MAPK10: variants seen among roughly 807,000 people sequenced by gnomAD.
MAPK10 encodes JNK3 alpha protein kinase.
A neutral mutation model predicts 59.3 loss-of-function variants in MAPK10; 25 were observed. The ratio of observed to expected loss-of-function variants is 0.42; its 90% CI spans 0.31 to 0.59. The LOEUF (loss-of-function observed/expected upper bound fraction) is 0.59. Ranked by LOEUF, MAPK10 falls within the 20% of genes least tolerant of loss-of-function variation. The pLI, the probability that MAPK10 is intolerant of heterozygous loss-of-function variation, is 0.15. For synonymous variants in MAPK10, 190 were observed against 200.5 expected (o/e 0.95, Z 0.44); for missense variants, 351 against 568.9 (o/e 0.62, Z 3.90).
At chr4:86,462,569 C>A (rs1211564870) in intron 1 of MAPK10, among the ~76,000 whole-genome samples, 1 of 152,144 alleles carries the variant, frequency 6.6e-6, no homozygotes, top group East Asian at 1.9e-4. Flanking sequence ...ACAGCACCAG[C>A]CGTCCACGTG....
At chr4:86,168,272 G>A (rs1280313884) in intron 3 of MAPK10, among the ~76,000 whole-genome samples, 8 of 152,200 alleles carry the variant, frequency 5.3e-5, no homozygotes, top group Non-Finnish European at 7.3e-5. Context: ...TGCCTCACTC[G>A]GGAAGTGCAA....
intron 2 of MAPK10, among the ~76,000 whole-genome samples, chr4:86,299,247 G>C (rs1445075126): frequency 6.6e-6 from 1 of 152,152 alleles, no homozygotes; most frequent in Non-Finnish European, 1.5e-5. Flanking sequence ...AAGGAAAAGA[G>C]ATTACAGACT....
intron 2 of MAPK10, among the ~76,000 whole-genome samples, chr4:86,218,587 A>AAAT (rs371567781): frequency 7.0e-6 from 1 of 143,068 alleles, no homozygotes; most frequent in African/African-American, 2.7e-5. Flanking sequence ...AAAAAAAAAA[A>AAAT]CACTTTGGGC....
intron 4 of MAPK10, among the ~76,000 whole-genome samples, chr4:86,151,099 G>A (rs994593297): frequency 2.0e-5 from 3 of 152,138 alleles, no homozygotes; most frequent in Admixed American, 6.5e-5. Flanking sequence ...AGGTCCCAAC[G>A]GGTGGAGATG....
chr4:86,357,176 A>T (rs1734934511), intron 1 of MAPK10: 1 of 152,228 alleles, frequency 6.6e-6, no homozygotes, highest in South Asian at 2.1e-4. Context: ...CAACCAAGCA[A>T]TCATTCGATT....
chr4:86,388,870 C>T (rs1381839510), intron 1 of MAPK10, among the ~76,000 whole-genome samples: 2 of 152,090 alleles, frequency 1.3e-5, no homozygotes, highest in African/African-American at 4.8e-5. Context: ...ACACTGCCTA[C>T]CACAAAGTGG....
intron 1 of MAPK10, among the ~76,000 whole-genome samples, chr4:86,545,761 T>C (rs763498452): frequency 3.4e-4 from 51 of 152,220 alleles, no homozygotes; most frequent in Non-Finnish European, 6.3e-4. Context: ...GCTTCAACTC[T>C]GACCAGGGAC....
At chr4:86,216,061 G>A (rs11943129) in intron 2 of MAPK10, among the ~76,000 whole-genome samples, 2,608 of 152,028 alleles carry the variant, frequency 0.017, 99 homozygotes, top group African/African-American at 0.058. Flanking sequence ...CAGCACAGCA[G>A]TACCTTAAAA....
chr4:86,133,028 C>T (rs1296583675), intron 4 of MAPK10, among the ~76,000 whole-genome samples: 1 of 152,170 alleles, frequency 6.6e-6, no homozygotes, highest in African/African-American at 2.4e-5. Context: ...CGAAATCGGT[C>T]CCTGGTGCCA....
intron 1 of MAPK10, among the ~76,000 whole-genome samples, chr4:86,498,407 T>C (rs1279378032): frequency 6.6e-6 from 1 of 152,220 alleles, no homozygotes; most frequent in African/African-American, 2.4e-5. Context: ...TCTAGTTATA[T>C]GCCAAACACA....
chr4:86,289,318 G>A (rs1020439574), intron 2 of MAPK10, among the ~76,000 whole-genome samples: 3 of 152,082 alleles, frequency 2.0e-5, no homozygotes, highest in East Asian at 3.9e-4. Flanking sequence ...AGGAGGCTGG[G>A]TTTGCTTCTG....
At chr4:86,299,965 T>C (rs1013221220) in intron 2 of MAPK10, among the ~76,000 whole-genome samples, 3 of 152,192 alleles carry the variant, frequency 2.0e-5, no homozygotes. Context: ...CAATCTCTGC[T>C]CACTGCAACC....
At chr4:86,378,693 C>A (rs1740197060) in intron 1 of MAPK10, among the ~76,000 whole-genome samples, 1 of 152,174 alleles carries the variant, frequency 6.6e-6, no homozygotes, top group Admixed American at 6.5e-5. Context: ...GAAAATTCCA[C>A]AAAGCGAAGA....
At chr4:86,198,474 A>G (rs2081907859) in intron 2 of MAPK10, among the ~76,000 whole-genome samples, 1 of 152,102 alleles carries the variant, frequency 6.6e-6, no homozygotes, top group African/African-American at 2.4e-5. Flanking sequence ...GGAGTCTTGT[A>G]TCTTCTGCCA....
At position 86,148,652 on chromosome 4, in the gene MAPK10, C is replaced by T. The variant is rs377348302; in HGVS notation, c.236+10646G>A. Among the ~76,000 whole-genome samples, 5 of 152,058 alleles carry T rather than the reference C, an allele frequency of 3.3e-5. No individual in the cohort carries two copies. The East Asian group carries it at 7.7e-4, about 23-fold the overall frequency. On this transcript the variant is annotated intron_variant, in intron 4 of 13. Transcript: ENST00000641462. ...AAGAGAAAGGAAGAAACTATGACTCCGTAATTTTTAACTGAGGCAACTGAA... is the reference window on the plus strand; with the variant it reads ...AAGAGAAAGGAAGAAACTATGACTCTGTAATTTTTAACTGAGGCAACTGAA...
intron 2 of MAPK10, among the ~76,000 whole-genome samples, chr4:86,284,295 T>C (rs993241436): frequency 2.0e-5 from 3 of 152,230 alleles, no homozygotes; most frequent in Non-Finnish European, 2.9e-5. Context: ...ACTTGCATTC[T>C]GGCAAGCCTG....
At chr4:86,329,372 T>C (rs2096097698) in intron 2 of MAPK10, among the ~76,000 whole-genome samples, 1 of 152,246 alleles carries the variant, frequency 6.6e-6, no homozygotes. Context: ...CACTGATCTC[T>C]TGGTTCTACC....
chr4:86,392,827 G>A (rs1039960478), intron 1 of MAPK10, among the ~76,000 whole-genome samples: 6 of 152,236 alleles, frequency 3.9e-5, no homozygotes, highest in African/African-American at 7.2e-5. Context: ...AGGAGACTGC[G>A]TAGGAGTACA....
rs180672681 is a variant in MAPK10 at position 86,242,448 on chromosome 4, A to G, written c.-6-48041T>C. ...TGCCCAGATTCCTCAGAACTACCAG[A>G]AGGAGAGGCTAAGTCTGCTGCAGAG... On this transcript the variant is annotated intron_variant, in intron 2 of 13. Transcript: ENST00000641462. 2.1e-3 allele frequency among the ~76,000 whole-genome samples: 316 copies of G among 152,274 alleles called. 1 individual carries two copies. Among genetic ancestry groups the G allele is most frequent in the Admixed American group, 3.8e-3 (58 of 15,302 alleles).
Sources: gnomAD v4.1 joint callset for allele counts (sites outside exome capture counted in the v4.1 genomes callset) on GRCh38, gnomAD v4.1.1 for gene constraint, MANE v1.5 for transcripts, NCBI Gene and HGNC (gene_info 2026-07-23, HGNC 2026-07-21) for gene names.